The following SUPT6H variants were observed in gnomAD, a reference collection of about 807,000 sequenced individuals.
The protein encoded by SUPT6H is SPT6 homolog, histone chaperone and transcription elongation factor, also known as transcription elongation factor SPT6.
Under a neutral mutation model 222.3 loss-of-function variants are expected in SUPT6H, and 11 were observed. That is an observed-to-expected ratio of 0.05 (90% CI 0.03 to 0.08). The LOEUF is 0.08. Among genes scored for constraint, SUPT6H ranks in the 10% least tolerant of loss-of-function variants. The probability of loss-of-function intolerance (pLI) is 1.00; values close to 1 mark genes in which losing one functional copy is unlikely to be tolerated. For missense variants in SUPT6H, 1,422 were observed against 2,216.0 expected (o/e 0.64, Z 7.19); for synonymous variants, 762 against 801.2 (o/e 0.95, Z 0.83).
intron 16 of SUPT6H, 77 bp from the exon 17 acceptor site, chr17:28,683,544 C>A: frequency 6.3e-7 from 1 of 1,583,482 alleles, no homozygotes; most frequent in Non-Finnish European, 8.6e-7. Context: ...TTGTCTCTGG[C>A]TTGCTTAGAA....
In SUPT6H at chr17:28,690,238, TG is replaced by T; in HGVS notation, c.3490+13del. On this transcript the variant is annotated intron_variant, in intron 26 of 36. Transcript: ENST00000314616. ...AGAGACCTTCTACATTGGTAAATTC[TG>T]GGGTCATTTTTTTATTGGGGGCAGG... is the stretch of plus-strand genomic sequence containing the variant. 6.2e-7 allele frequency: 1 copy of T among 1,613,036 alleles called. No individual in the cohort carries two copies. Among genetic ancestry groups the T allele is most frequent in the Admixed American group, 1.7e-5 (1 of 59,886 alleles).
intron 1 of SUPT6H, among the ~76,000 whole-genome samples, chr17:28,669,269 G>A (rs2030271067): frequency 6.6e-6 from 1 of 152,096 alleles, no homozygotes. Context: ...TTGGCTCACT[G>A]CAACCTCTGC....
rs377756550 is a variant in SUPT6H, at chr17:28,684,619, G to A, written c.2263G>A (p.Val755Met). The A allele has an allele frequency of 6.2e-7, 1 of 1,614,180 alleles. No individual in the cohort carries two copies. Among genetic ancestry groups the A allele is most frequent in the African/African-American group, 1.3e-5 (1 of 75,028 alleles). Residue 755 changes from valine to methionine, a missense_variant, in exon 18 of 37, where the codon GTG becomes ATG. This residue lies in a region of SUPT6H where 294 missense variants were observed against 382.1 expected (regional missense o/e 0.77). Coordinates refer to ENST00000314616, the MANE Select transcript of SUPT6H (RefSeq NM_003170.5). ...TCGAAAGCTCTACAATTGGTTGAGA[G>A]TGGCACCCTACCGACCAGATCAGCA... is the stretch of plus-strand genomic sequence containing the variant. ...CSRKLYNWLR[V>M]APYRPDQQVE...
chr17:28,662,712 A>G (rs2072079968), intron 1 of SUPT6H, among the ~76,000 whole-genome samples: 1 of 152,222 alleles, frequency 6.6e-6, no homozygotes, highest in African/African-American at 2.4e-5. Flanking sequence ...TTCTGGGGAT[A>G]TGAATCCTGT....
Position 28,674,263 on chromosome 17 carries a change from C to G in SUPT6H, c.110-20C>G. 6.2e-7 allele frequency: 1 copy of G among 1,613,852 alleles called. No homozygotes were observed. Among genetic ancestry groups the G allele is most frequent in the Non-Finnish European group, 8.5e-7 (1 of 1,179,938 alleles). On this transcript the variant is annotated intron_variant, in intron 2 of 36. Coordinates refer to ENST00000314616, the MANE Select transcript of SUPT6H (RefSeq NM_003170.5). ...AGCCTGTTTTTCAGTCTCCATGCCTCAAACATGCATGTCTTCCAGATGAGG... is the reference window on the plus strand; with the variant it reads ...AGCCTGTTTTTCAGTCTCCATGCCTGAAACATGCATGTCTTCCAGATGAGG...
At chr17:28,662,672 T>G (rs941531646) in intron 1 of SUPT6H, among the ~76,000 whole-genome samples, 2 of 152,208 alleles carry the variant, frequency 1.3e-5, no homozygotes, top group Non-Finnish European at 2.9e-5. Context: ...CTGGGGCTTC[T>G]GAGCCAGGAT....
At chr17:28,691,725 C>T (rs1317082480) in intron 27 of SUPT6H, 1 of 152,048 alleles carries the variant, frequency 6.6e-6, no homozygotes, top group African/African-American at 2.4e-5. Context: ...TGGCGGCCAC[C>T]TGTAGTCCCA....
rs1288460328 is a variant in SUPT6H at position 28,689,342 on chromosome 17, C to T, written c.3135-12C>T. 1.2e-6 allele frequency: 2 copies of T among 1,613,762 alleles called. No individual in the cohort carries two copies. The highest frequency in any genetic ancestry group is 1.7e-6 in the Non-Finnish European group (2 of 1,179,754). On this transcript the variant is annotated splice_polypyrimidine_tract_variant and intron_variant, in intron 24 of 36. Coordinates refer to ENST00000314616, the MANE Select transcript of SUPT6H (RefSeq NM_003170.5). ...CGTTCTATATCCTGTTCCTTTTCTG[C>T]CTTTCCTCCAGCACTGACTCATATA... is the stretch of plus-strand genomic sequence containing the variant.
At chr17:28,693,311 A>C (rs1455983278) in intron 27 of SUPT6H, among the ~76,000 whole-genome samples, 1 of 151,902 alleles carries the variant, frequency 6.6e-6, no homozygotes, top group Admixed American at 6.6e-5. Flanking sequence ...AAATACAAAA[A>C]TCCGCCCTGT....
chr17:28,690,155 C>T lies in SUPT6H; in HGVS notation c.3416C>T (p.Thr1139Ile), dbSNP rs752120616. The T allele has an allele frequency of 1.9e-6, 3 of 1,613,872 alleles. No individual in the cohort carries two copies. The highest frequency in any genetic ancestry group is 2.5e-6 in the Non-Finnish European group (3 of 1,180,034). The change falls in exon 26 of 37, where the codon ACA becomes ATA. Residue 1139 changes from threonine to isoleucine, a missense_variant. Around this residue, in one of 13 missense-constraint regions of SUPT6H, gnomAD observed 60 missense variants for 96.7 expected, o/e 0.62. Coordinates refer to ENST00000314616, the MANE Select transcript of SUPT6H (RefSeq NM_003170.5). Reference sequence around the variant, plus strand: ...AGCTGTCGATATAAGGACCTCCGGACAGCCTACCGCTCTCCCAACACAGAG... The same window carrying T: ...AGCTGTCGATATAAGGACCTCCGGATAGCCTACCGCTCTCCCAACACAGAG... The part of the protein sequence containing the change: ...ELSCRYKDLR[T>I]AYRSPNTEEI...
In SUPT6H at chr17:28,697,065, C is replaced by G; in HGVS notation, c.4192C>G (p.Leu1398Val). ...KENAFSLGAT[L>V]WINSEEFEDL... ...AAATGCCTTCAGCCTGGGAGCCACT[C>G]TGTGGATCAACAGTGAGGTGAGAGC... Residue 1398 changes from leucine to valine, a missense_variant, in exon 30 of 37, where the codon CTG becomes GTG. Coordinates refer to ENST00000314616, the MANE Select transcript of SUPT6H (RefSeq NM_003170.5). The G allele has an allele frequency of 2.5e-6, 4 of 1,614,032 alleles. No individual in the cohort carries two copies. Among genetic ancestry groups the G allele is most frequent in the Non-Finnish European group, 3.4e-6 (4 of 1,179,988 alleles).
intron 17 of SUPT6H, among the ~76,000 whole-genome samples, 164 bp downstream of exon 17, chr17:28,683,980 C>T (rs1354424506): frequency 6.6e-6 from 1 of 152,024 alleles, no homozygotes; most frequent in Admixed American, 6.6e-5. Context: ...GGACTACAGG[C>T]GCCCACCACC....
chr17:28,677,847 T>G (rs908884767), intron 8 of SUPT6H, 31 bp downstream of exon 8: 1 of 1,593,354 alleles, frequency 6.3e-7, no homozygotes, highest in Non-Finnish European at 8.6e-7. Context: ...GGTTTTGACA[T>G]GAACCAAAAG....
intron 11 of SUPT6H, among the ~76,000 whole-genome samples, chr17:28,680,174 C>T (rs375089185): frequency 1.3e-5 from 2 of 149,424 alleles, no homozygotes; most frequent in East Asian, 2.0e-4. Flanking sequence ...GGTGTGGTGG[C>T]AGGCACCTGT....
intron 1 of SUPT6H, among the ~76,000 whole-genome samples, chr17:28,665,587 G>A (rs1015444145): frequency 6.6e-6 from 1 of 152,046 alleles, no homozygotes; most frequent in Admixed American, 6.6e-5. Flanking sequence ...GTGAAACCCC[G>A]TCTCTGTTAA....
intron 32 of SUPT6H, among the ~76,000 whole-genome samples, chr17:28,698,883 C>CA (rs961290710): frequency 6.6e-5 from 10 of 151,812 alleles, no homozygotes; most frequent in Non-Finnish European, 1.3e-4. Context: ...TTCCAGAGGC[C>CA]AGCAGCCAGG....
chr17:28,675,588 G>T (rs1453945273), intron 6 of SUPT6H, 103 bp downstream of exon 6: 2 of 1,255,000 alleles, frequency 1.6e-6, no homozygotes, highest in Non-Finnish European at 2.3e-6. Context: ...TTCCCAGCTT[G>T]CAGCCATTTT....
At chr17:28,700,324 C>T (rs1350637535) in intron 34 of SUPT6H, 22 bp from the exon 35 acceptor site, 4 of 1,613,908 alleles carry the variant, frequency 2.5e-6, no homozygotes, top group South Asian at 2.2e-5. Flanking sequence ...ACATGCCCCT[C>T]CCCACCTCTG....
chr17:28,675,366 G>T, intron 5 of SUPT6H, 35 bp from the exon 6 acceptor site: 2 of 1,611,320 alleles, frequency 1.2e-6, no homozygotes, highest in South Asian at 2.2e-5. Flanking sequence ...CTCAGCCCCT[G>T]ACTCTGAGCC....
Sources: allele counts gnomAD v4.1 joint callset (sites outside exome capture counted in the v4.1 genomes callset), GRCh38; gene constraint gnomAD v4.1.1; regional missense constraint gnomAD v4.1.1; transcripts MANE v1.5; gene names NCBI Gene and HGNC (gene_info 2026-07-23, HGNC 2026-07-21).